ESYT3: variants seen among roughly 807,000 people sequenced by gnomAD.
ESYT3 encodes the protein extended synaptotagmin-3.
In ESYT3, 101 loss-of-function variants were observed where a neutral mutation model predicts 111.5. The ratio of observed to expected loss-of-function variants is 0.91; its 90% CI spans 0.77 to 1.07. ESYT3 has a LOEUF of 1.07. ESYT3 is among the 50% of genes least tolerant of loss of function. The pLI, the probability that ESYT3 is intolerant of heterozygous loss-of-function variation, is 0.00. For synonymous variants in ESYT3, 416 were observed against 446.8 expected (o/e 0.93, Z 0.87); for missense variants, 1,097 against 1,109.4 (o/e 0.99, Z 0.16).
intron 1 of ESYT3, among the ~76,000 whole-genome samples, chr3:138,443,793 G>A (rs929335797): frequency 4.8e-4 from 72 of 151,260 alleles, no homozygotes; most frequent in African/African-American, 1.7e-3. Flanking sequence ...CACCCTGTGC[G>A]AGGGAGCTGG....
intron 10 of ESYT3, among the ~76,000 whole-genome samples, chr3:138,467,186 G>A (rs1313230149): frequency 6.6e-6 from 1 of 152,158 alleles, no homozygotes; most frequent in Non-Finnish European, 1.5e-5. Flanking sequence ...CATTTAAAGG[G>A]TACAGGACCA....
At position 138,452,107 on chromosome 3, in the gene ESYT3, G is replaced by C. The variant is rs755582337; in HGVS notation, c.369+18G>C. The C allele has an allele frequency of 2.5e-6, 4 of 1,607,102 alleles. No homozygotes were observed. Among genetic ancestry groups the C allele is most frequent in the Non-Finnish European group, 2.5e-6 (3 of 1,179,454 alleles). Reference sequence around the variant, plus strand: ...CCAACAAGGTAAGGCCGCTGGCAGGGCCTAGCAGGGCCGGACGCATGCCAG... The same window carrying C: ...CCAACAAGGTAAGGCCGCTGGCAGGCCCTAGCAGGGCCGGACGCATGCCAG... On this transcript the variant is annotated intron_variant, in intron 2 of 22. Coordinates refer to ENST00000389567, the MANE Select transcript of ESYT3 (RefSeq NM_031913.5).
At chr3:138,448,223 CA>C (rs1476781808) in intron 1 of ESYT3, among the ~76,000 whole-genome samples, 1 of 139,962 alleles carries the variant, frequency 7.1e-6, no homozygotes, top group East Asian at 2.1e-4. Context: ...GCCGAGATTG[CA>C]CCATTGCACT....
At chr3:138,453,331 G>C (rs977740042) in intron 2 of ESYT3, among the ~76,000 whole-genome samples, 4 of 152,204 alleles carry the variant, frequency 2.6e-5, no homozygotes. Context: ...CTTCATCTTG[G>C]ATGGGGAGAC....
intron 2 of ESYT3, 117 bp downstream of exon 2, chr3:138,452,206 C>T (rs1181712799): frequency 1.6e-5 from 14 of 892,820 alleles, no homozygotes; most frequent in Non-Finnish European, 2.4e-5. Flanking sequence ...CTGACGCGGG[C>T]AGGGATGCTC....
At chr3:138,479,971 T>TG (rs2033651528), downstream of ESYT3, 1 of 152,242 alleles carries the variant, frequency 6.6e-6, no homozygotes, top group South Asian at 2.1e-4. Flanking sequence ...ATGTGGTTTC[T>TG]GTCTCCTAAG....
At chr3:138,438,944 A>G (rs1357963884) in intron 1 of ESYT3, among the ~76,000 whole-genome samples, 1 of 152,238 alleles carries the variant, frequency 6.6e-6, no homozygotes, top group Non-Finnish European at 1.5e-5. Context: ...AAGAGGCTGC[A>G]TGTTTACATG....
intron 1 of ESYT3, among the ~76,000 whole-genome samples, chr3:138,449,090 T>C (rs1168622713): frequency 2.1e-5 from 3 of 145,086 alleles, no homozygotes; most frequent in African/African-American, 7.7e-5. Context: ...TTCTTTTTTT[T>C]TTTTTTTTTT....
intron 1 of ESYT3, among the ~76,000 whole-genome samples, chr3:138,438,750 T>C (rs1467176304): frequency 6.6e-6 from 1 of 152,222 alleles, no homozygotes; most frequent in Non-Finnish European, 1.5e-5. Flanking sequence ...CTAGTCAAAC[T>C]TCAGACAATC....
Position 138,452,000 on chromosome 3 carries a change from C to G in ESYT3, c.328-48C>G, listed in dbSNP as rs75851106. The G allele has an allele frequency of 7.3e-3, 11,651 of 1,604,826 alleles. 721 individuals carry two copies. In the African/African-American group the frequency reaches 0.14, roughly 19 times the overall value. ...CCAGGCTGGCTTGCTTGGTTCCCAGCGGGTGTGCGGCTTCTAGTCTAACTT... is the reference window on the plus strand; with the variant it reads ...CCAGGCTGGCTTGCTTGGTTCCCAGGGGGTGTGCGGCTTCTAGTCTAACTT... On this transcript the variant is annotated intron_variant, in intron 1 of 22. Coordinates refer to ENST00000389567, the MANE Select transcript of ESYT3 (RefSeq NM_031913.5).
intron 1 of ESYT3, among the ~76,000 whole-genome samples, chr3:138,449,913 C>CTT (rs2031814216): frequency 6.6e-6 from 1 of 152,192 alleles, no homozygotes; most frequent in African/African-American, 2.4e-5. Context: ...AGGGGTGAGG[C>CTT]CCAGTCAGCC....
intron 19 of ESYT3, 130 bp from the exon 20 acceptor site, chr3:138,474,091 A>G: frequency 1.7e-6 from 2 of 1,209,582 alleles, no homozygotes; most frequent in South Asian, 1.5e-5. Flanking sequence ...CTAATGCTGA[A>G]TGGCTAATAT....
intron 6 of ESYT3, among the ~76,000 whole-genome samples, 161 bp downstream of exon 6, chr3:138,460,195 G>A (rs911496979): frequency 7.9e-5 from 12 of 152,308 alleles, no homozygotes; most frequent in Middle Eastern, 3.4e-3. Context: ...AAGACAGCTC[G>A]AGTTAGACTC....
Position 138,472,569 on chromosome 3 carries a change from T to C in ESYT3, c.1947T>C (p.Ser649=). The C allele has an allele frequency of 6.2e-7, 1 of 1,614,146 alleles. No individual in the cohort carries two copies. Among genetic ancestry groups the C allele is most frequent in the African/African-American group, 1.3e-5 (1 of 75,032 alleles). Residue 649 remains serine, a synonymous_variant, in exon 18 of 23, where the codon AGT becomes AGC. Coordinates refer to ENST00000389567, the MANE Select transcript of ESYT3 (RefSeq NM_031913.5). ...CCAGGAGTACCACAACCACCACCAG[T>C]GCTACCACCGTTGCCACTGAGCCCA... ...DVSRSTTTTT[S]ATTVATEPTS... is the part of the protein sequence containing the mutation.
At position 138,460,684 on chromosome 3, in the gene ESYT3, C is replaced by T; in HGVS notation, c.794+18C>T. The T allele has an allele frequency of 6.2e-7, 1 of 1,613,776 alleles. No individual in the cohort carries two copies. The highest frequency in any genetic ancestry group is 8.5e-7 in the Non-Finnish European group (1 of 1,179,728). On this transcript the variant is annotated intron_variant, in intron 7 of 22. Transcript: ENST00000389567. ...GGAATCAAGTAGGTGCCTGGGAGAG[C>T]CTCGAGGGAGATCATAAGTTTGGGG...
intron 10 of ESYT3, 66 bp from the exon 11 acceptor site, chr3:138,467,495 G>A (rs2108623232): frequency 6.7e-7 from 1 of 1,502,812 alleles, no homozygotes; most frequent in Non-Finnish European, 9.3e-7. Context: ...TCCAGTGTGG[G>A]CCTCCATGCC....
At position 138,435,030 on chromosome 3, in the gene ESYT3, G is replaced by A. The variant is rs1372940058; in HGVS notation, c.232G>A (p.Gly78Arg). ...GATGTGGTGGCGCAGGAACCGCCGC[G>A]GGAAGCTTGGGCGCCTGGCCGCCGC... is the stretch of plus-strand genomic sequence containing the variant. ...LWMWWRRNRRGKLGRLAAAFE... is the reference protein window; with the variant it reads ...LWMWWRRNRRRKLGRLAAAFE... The change falls in exon 1 of 23, where the codon GGG becomes AGG. Residue 78 changes from glycine to arginine, a missense_variant. Coordinates refer to ENST00000389567, the MANE Select transcript of ESYT3 (RefSeq NM_031913.5). This position sits in a 1 kb window ranked among gnomAD's most constrained non-coding sequence, Gnocchi z 4.8. 6.3e-7 allele frequency: 1 copy of A among 1,583,676 alleles called. No individual in the cohort carries two copies. The highest frequency in any genetic ancestry group is 8.6e-7 in the Non-Finnish European group (1 of 1,166,106).
Position 138,472,628 on chromosome 3 carries a change from A to G in ESYT3, c.2006A>G (p.Lys669Arg), listed in dbSNP as rs2033282604. ...SQETGPEPKG[K>R]DSAKRFCEPI... ...GAGACAGGCCCAGAGCCTAAAGGCA[A>G]GGACAGTGCCAAAAGGTTCTGTGAG... The change falls in exon 18 of 23, where the codon AAG (lysine) becomes AGG (arginine). Residue 669 changes from lysine (K) to arginine (R), a missense_variant. Coordinates refer to ENST00000389567, the MANE Select transcript of ESYT3 (RefSeq NM_031913.5). The G allele has an allele frequency of 3.7e-6, 6 of 1,614,140 alleles. No individual in the cohort carries two copies. The highest frequency in any genetic ancestry group is 5.1e-6 in the Non-Finnish European group (6 of 1,180,048).
At chr3:138,456,993 C>T (rs1356824763) in intron 3 of ESYT3, among the ~76,000 whole-genome samples, 1 of 152,294 alleles carries the variant, frequency 6.6e-6, no homozygotes, top group South Asian at 2.1e-4. Context: ...TGGCCACCCC[C>T]CTCCCTCTGC....
Sources: gnomAD v4.1 joint callset for allele counts (sites outside exome capture counted in the v4.1 genomes callset) on GRCh38, gnomAD v4.1.1 for gene constraint, Gnocchi (gnomAD v3.1) non-coding constraint, MANE v1.5 for transcripts, NCBI Gene and HGNC (gene_info 2026-07-23, HGNC 2026-07-21) for gene names.